Variants in CLMP observed in about 807,000 individuals in gnomAD.
CLMP encodes CXADR like cell adhesion molecule.
A neutral mutation model predicts 45.2 loss-of-function variants in CLMP; 27 were observed. The ratio of observed to expected loss-of-function variants is 0.60; its 90% confidence interval spans 0.44 to 0.82. CLMP has a LOEUF of 0.82. Ranked by LOEUF, CLMP falls within the 40% of genes least tolerant of loss-of-function variation. CLMP has a pLI of 0.00. For missense variants in CLMP, 403 were observed against 448.4 expected, an observed-to-expected ratio of 0.90 and a Z score of 0.91; for synonymous variants, 167 against 171.4, an observed-to-expected ratio of 0.97 and a Z score of 0.20.
chr11:123,107,553 T>C (rs951764775), intron 1 of CLMP, among the ~76,000 whole-genome samples: 6 of 149,894 alleles, frequency 4.0e-5, no homozygotes, highest in African/African-American at 4.9e-5. Flanking sequence ...TTTTTTTTTT[T>C]CAGAAACAGG....
chr11:123,104,128 C>CTT (rs1241735527), intron 1 of CLMP, among the ~76,000 whole-genome samples: 1,996 of 72,376 alleles, frequency 0.028, 152 homozygotes, highest in East Asian at 0.079. Context: ...CCATGCCTGG[C>CTT]TTTTTTTTTT....
intron 6 of CLMP, 103 bp downstream of exon 6, chr11:123,074,599 G>T: frequency 2.5e-6 from 3 of 1,206,056 alleles, no homozygotes; most frequent in Non-Finnish European, 3.6e-6. Flanking sequence ...CCTTTTAACA[G>T]ATTCATGGTT....
chr11:123,102,869 A>G (rs1860474245), intron 1 of CLMP, among the ~76,000 whole-genome samples: 1 of 151,756 alleles, frequency 6.6e-6, no homozygotes, highest in Non-Finnish European at 1.5e-5. Context: ...CTCCTGCCCA[A>G]TTTTATGTGG....
At chr11:123,185,667 CCT>C (rs1276625911) in intron 1 of CLMP, among the ~76,000 whole-genome samples, 1 of 152,156 alleles carries the variant, frequency 6.6e-6, no homozygotes, top group Non-Finnish European at 1.5e-5. Context: ...GGGTACCAGG[CCT>C]CCGCTGAAAA....
At chr11:123,079,792 A>G (rs907011045) in intron 5 of CLMP, among the ~76,000 whole-genome samples, 1 of 152,210 alleles carries the variant, frequency 6.6e-6, no homozygotes, top group African/African-American at 2.4e-5. Flanking sequence ...GAAATAGACA[A>G]AAGAACTACA....
intron 1 of CLMP, among the ~76,000 whole-genome samples, chr11:123,144,384 T>G (rs1309101925): frequency 1.3e-5 from 2 of 152,176 alleles, no homozygotes; most frequent in Non-Finnish European, 2.9e-5. Flanking sequence ...GGATAATATT[T>G]TTTTGAGACC....
At chr11:123,190,107 T>A (rs1272321239) in intron 1 of CLMP, among the ~76,000 whole-genome samples, 1 of 152,198 alleles carries the variant, frequency 6.6e-6, no homozygotes, top group Non-Finnish European at 1.5e-5. Context: ...GAGGCTGTTC[T>A]GTAGGTAACC....
At chr11:123,160,222 G>A (rs2135532681) in intron 1 of CLMP, among the ~76,000 whole-genome samples, 1 of 132,054 alleles carries the variant, frequency 7.6e-6, no homozygotes, top group Non-Finnish European at 1.6e-5. Flanking sequence ...AAAGGTTGCA[G>A]TGAGCCAAGA....
chr11:123,176,803 A>G (rs1861706185), intron 1 of CLMP, among the ~76,000 whole-genome samples: 1 of 152,208 alleles, frequency 6.6e-6, no homozygotes, highest in Admixed American at 6.5e-5. Context: ...GGTGTCATAT[A>G]CTAATACTTT....
intron 1 of CLMP, among the ~76,000 whole-genome samples, chr11:123,150,602 G>GA (rs1275608845): frequency 1.6e-4 from 22 of 137,080 alleles, no homozygotes; most frequent in African/African-American, 5.6e-4. Context: ...AGGAAGGAAG[G>GA]AATGAAGGAA....
chr11:123,180,821 C>T (rs947662738), intron 1 of CLMP, among the ~76,000 whole-genome samples: 2 of 152,118 alleles, frequency 1.3e-5, no homozygotes, highest in African/African-American at 2.4e-5. Flanking sequence ...AAAACAAGCG[C>T]AAAGACTCTG....
chr11:123,101,989 A>G (rs1591457837), intron 1 of CLMP, among the ~76,000 whole-genome samples: 1 of 152,134 alleles, frequency 6.6e-6, no homozygotes, highest in Admixed American at 6.6e-5. Context: ...TTTTGAGACC[A>G]GCCTGGGCAA....
At chr11:123,137,133 C>T (rs7937946) in intron 1 of CLMP, among the ~76,000 whole-genome samples, 50,123 of 141,950 alleles carry the variant, frequency 0.35, 9,433 homozygotes, top group African/African-American at 0.5. Context: ...AGACCTTTCT[C>T]TTTTTTTCTT....
At chr11:123,110,111 A>G (rs962821536) in intron 1 of CLMP, among the ~76,000 whole-genome samples, 16 of 152,158 alleles carry the variant, frequency 1.1e-4, no homozygotes, top group African/African-American at 3.9e-4. Flanking sequence ...TATGGTGCCT[A>G]GTTATTTCCT....
intron 1 of CLMP, among the ~76,000 whole-genome samples, chr11:123,138,114 C>T (rs960092095): frequency 6.6e-6 from 1 of 152,026 alleles, no homozygotes; most frequent in Non-Finnish European, 1.5e-5. Context: ...GTCCCTAATT[C>T]CCTCGGATGA....
Position 123,073,536 on chromosome 11 carries a change from T to G in CLMP, c.1060A>C (p.Thr354Pro). The change falls in exon 7 of 7, where the codon ACC becomes CCC. Residue 354 changes from threonine to proline, a missense_variant. Physicochemically the swap from Thr to Pro is conservative, Grantham distance 38. Coordinates refer to ENST00000448775, the MANE Select transcript of CLMP (RefSeq NM_024769.5). ...ATGCTGGGTGTGGTTTCTGCTTTGGTCAGATTAGCATGGTGGACTTTCTTT... is the reference window on the plus strand; with the variant it reads ...ATGCTGGGTGTGGTTTCTGCTTTGGGCAGATTAGCATGGTGGACTTTCTTT... ...EPKKVHHANL[T>P]KAETTPSMIP... 1.9e-6 allele frequency: 3 copies of G among 1,614,174 alleles called. No individual in the cohort carries two copies. Among genetic ancestry groups the G allele is most frequent in the Non-Finnish European group, 2.5e-6 (3 of 1,180,020 alleles).
intron 1 of CLMP, among the ~76,000 whole-genome samples, chr11:123,118,947 TTCTTTCTTTC>T (rs1269291770): frequency 4.5e-5 from 1 of 22,316 alleles, no homozygotes; most frequent in Non-Finnish European, 9.1e-5. Flanking sequence ...CTTTCTTTCT[TTCTTTCTTTC>T]TTTCTTTCTT....
At chr11:123,172,342 A>C (rs1039980883) in intron 1 of CLMP, among the ~76,000 whole-genome samples, 1 of 151,704 alleles carries the variant, frequency 6.6e-6, no homozygotes, top group African/African-American at 2.4e-5. Context: ...CGATCTCCTG[A>C]CCTTGTGATC....
rs556424855 is a variant in CLMP at position 123,110,680 on chromosome 11, A to G, written c.29-12728T>C. 2.6e-3 allele frequency among the ~76,000 whole-genome samples: 395 copies of G among 152,238 alleles called. 6 individuals are homozygous for G. The highest frequency in any genetic ancestry group is 1.8e-3 in the Non-Finnish European group (120 of 68,016). On this transcript the variant is annotated intron_variant, in intron 1 of 6. Transcript: ENST00000448775. ...CAACCTGAGCTGCGGGCGTCAGTCAAGGGGGGCCGGATATTGAGCATCTAC... is the reference window on the plus strand; with the variant it reads ...CAACCTGAGCTGCGGGCGTCAGTCAGGGGGGGCCGGATATTGAGCATCTAC...
Sources: gnomAD v4.1 joint callset for allele counts (sites outside exome capture counted in the v4.1 genomes callset) on GRCh38, gnomAD v4.1.1 for gene constraint, MANE v1.5 for transcripts, NCBI Gene and HGNC (gene_info 2026-07-23, HGNC 2026-07-21) for gene names.